The following ZNF786 variants were observed in gnomAD, a reference collection of about 807,000 sequenced individuals.
ZNF786 encodes the protein zinc finger protein 786.
A neutral mutation model predicts 63.1 loss-of-function variants in ZNF786; 56 were observed. That is an observed-to-expected ratio of 0.89 (90% CI 0.72 to 1.11). The LOEUF is 1.11. Among genes scored for constraint, ZNF786 ranks in the 50% least tolerant of loss-of-function variants. The probability of loss-of-function intolerance (pLI) is 0.00; values close to 1 mark genes in which losing one functional copy is unlikely to be tolerated. For missense variants in ZNF786, 1,213 were observed against 1,041.8 expected (o/e 1.16, Z -2.26); for synonymous variants, 485 against 406.9 (o/e 1.19, Z -2.31).
At chr7:149,090,547 G>A (rs1825814023) in intron 1 of ZNF786, 76 bp downstream of exon 1, 1 of 1,428,288 alleles carries the variant, frequency 7.0e-7, no homozygotes, top group East Asian at 2.7e-5. Context: ...GGGGACCCCA[G>A]GACACGGGCG....
intron 3 of ZNF786, among the ~76,000 whole-genome samples, chr7:149,073,118 G>C (rs1292834637): frequency 6.6e-6 from 1 of 152,142 alleles, no homozygotes; most frequent in African/African-American, 2.4e-5. Context: ...GTTTCAAGAA[G>C]GTTTCTTGGA....
At chr7:149,086,626 T>TCACATA (rs1554453726) in intron 1 of ZNF786, among the ~76,000 whole-genome samples, 1 of 147,608 alleles carries the variant, frequency 6.8e-6, no homozygotes, top group African/African-American at 2.5e-5. Flanking sequence ...ACACTCTGTC[T>TCACATA]CACACACACA....
At chr7:149,081,234 G>A (rs779546021) in intron 1 of ZNF786, 19 of 449,060 alleles carry the variant, frequency 4.2e-5, no homozygotes, top group South Asian at 2.8e-4. Flanking sequence ...TCAGGAGTTC[G>A]AGATCAGCCT....
rs1323797832 is a variant in ZNF786, at chr7:149,080,666, G to A, written c.70C>T (p.Gln24Ter). 6.2e-7 allele frequency: 1 copy of A among 1,611,434 alleles called. No homozygotes were observed. The highest frequency in any genetic ancestry group is 1.1e-5 in the South Asian group (1 of 90,504). ...TCCTTCTGCCATGCCTCTAGATCCT[G>A]CCATTCTTGCTCGGAGAAATAAATA... ...VAIYFSEQEW[Q>*]DLEAWQKELY... Residue 24 changes from glutamine to a stop codon, truncating the protein, a stop_gained, in exon 2 of 4, where the codon CAG (glutamine) becomes TAG (stop). Transcript: ENST00000491431. LOFTEE classifies it high-confidence loss of function.
In ZNF786 at chr7:149,074,372, T is replaced by A; in HGVS notation, c.298+14A>T. 2 of 1,612,644 alleles carry A rather than the reference T, an allele frequency of 1.2e-6. No individual in the cohort carries two copies. The highest frequency in any genetic ancestry group is 1.7e-6 in the Non-Finnish European group (2 of 1,179,266). On this transcript the variant is annotated intron_variant, in intron 3 of 3. Transcript: ENST00000491431. ...GATGTCTCAAGGTCGGGGCCCTGAT[T>A]TCTTAATACTCACCCCAAAACAGCT...
intron 2 of ZNF786, among the ~76,000 whole-genome samples, chr7:149,076,410 C>T (rs1399587776): frequency 4.7e-5 from 7 of 149,654 alleles, no homozygotes; most frequent in South Asian, 4.3e-4. Context: ...CCACCGTGCC[C>T]GGCCTATATT....
At chr7:149,090,487 G>C in intron 1 of ZNF786, 136 bp downstream of exon 1, 1 of 1,037,022 alleles carries the variant, frequency 9.6e-7, no homozygotes, top group Non-Finnish European at 1.3e-6. Flanking sequence ...CACATCCCCA[G>C]CAGAAGCAGC....
At position 149,071,594 on chromosome 7, in the gene ZNF786, C is replaced by T. The variant is rs1240365515; in HGVS notation, c.1178G>A (p.Gly393Glu). ...ATGCGCACACTGGAAGGGCTTTTCT[C>T]CAGTATGCGCCCTGCAGGGGCTGGC... ...RLASPCRAHT[G>E]EKPFQCAHCT... Residue 393 changes from glycine (G) to glutamate (E), a missense_variant, in exon 4 of 4, where the codon GGA (glycine) becomes GAA (glutamate). Transcript: ENST00000491431. 3 of 1,606,206 alleles carry T rather than the reference C, an allele frequency of 1.9e-6. No individual in the cohort carries two copies. Among genetic ancestry groups the T allele is most frequent in the Non-Finnish European group, 1.7e-6 (2 of 1,177,434 alleles).
chr7:149,076,673 C>T (rs958514923), intron 2 of ZNF786, among the ~76,000 whole-genome samples: 20 of 147,390 alleles, frequency 1.4e-4, no homozygotes, highest in Non-Finnish European at 2.5e-4. Flanking sequence ...GAGCCGAGAT[C>T]GCGCCACTGC....
intron 1 of ZNF786, among the ~76,000 whole-genome samples, chr7:149,086,304 G>T (rs896590608): frequency 6.6e-6 from 1 of 152,148 alleles, no homozygotes; most frequent in Non-Finnish European, 1.5e-5. Context: ...TACTTCTGGC[G>T]AGGGCCTCAG....
Position 149,072,130 on chromosome 7 carries a change from T to C in ZNF786, c.642A>G (p.Thr214=). 1 of 1,613,254 alleles carries C rather than the reference T, an allele frequency of 6.2e-7. No homozygotes were observed. The highest frequency in any genetic ancestry group is 1.3e-5 in the African/African-American group (1 of 75,056). The change falls in exon 4 of 4, where the codon ACA becomes ACG. Residue 214 remains threonine, a synonymous_variant. Coordinates refer to ENST00000491431, the MANE Select transcript of ZNF786 (RefSeq NM_152411.4). ...TGTTGAATTTCTCCCAGGCCCTACG[T>C]GTCCGGTCCTTTGAGTGGCCTCTCT... ...MHQRGHSKDR[T]RRAWEKFNKR...
rs1461832807 is a variant in ZNF786 at position 149,072,083 on chromosome 7, G to C, written c.689C>G (p.Pro230Arg). ...KFNKRAETQM[P>R]WSSPRVQRHF... ...CCTCTGTACCCGAGGGCTGCTCCAC[G>C]GCATCTGCGTCTCCGCCCTCTTGTT... Residue 230 changes from proline to arginine, a missense_variant, in exon 4 of 4, where the codon CCG becomes CGG. By Grantham distance (103) the Pro-to-Arg change is moderately radical. Transcript: ENST00000491431. 6.2e-7 allele frequency: 1 copy of C among 1,613,160 alleles called. No individual in the cohort carries two copies. The highest frequency in any genetic ancestry group is 8.5e-7 in the Non-Finnish European group (1 of 1,179,682).
Position 149,080,667 on chromosome 7 carries a change from C to T in ZNF786, c.69G>A (p.Trp23Ter), listed in dbSNP as rs1300476061. 2 of 1,611,514 alleles carry T rather than the reference C, an allele frequency of 1.2e-6. No individual in the cohort carries two copies. Among genetic ancestry groups the T allele is most frequent in the Non-Finnish European group, 1.7e-6 (2 of 1,179,466 alleles). ...DVAIYFSEQE[W>*]QDLEAWQKEL... Reference sequence around the variant, plus strand: ...CCTTCTGCCATGCCTCTAGATCCTGCCATTCTTGCTCGGAGAAATAAATAG... The same window carrying T: ...CCTTCTGCCATGCCTCTAGATCCTGTCATTCTTGCTCGGAGAAATAAATAG... Residue 23 changes from tryptophan (W) to a stop codon, truncating the protein, a stop_gained, in exon 2 of 4, where the codon TGG (tryptophan) becomes TGA (stop). Coordinates refer to ENST00000491431, the MANE Select transcript of ZNF786 (RefSeq NM_152411.4). LOFTEE classifies it high-confidence loss of function.
chr7:149,071,437 T>G lies in ZNF786; in HGVS notation c.1335A>C (p.Arg445=), dbSNP rs1258145312. 1 of 1,610,414 alleles carries G rather than the reference T, an allele frequency of 6.2e-7. No homozygotes were observed. The highest frequency in any genetic ancestry group is 1.1e-5 in the South Asian group (1 of 90,910). Reference sequence around the variant, plus strand: ...GGAAAGGCTTCTCTCCGCTGTGGACTCGAATGTGCTCCGTGAGTTTACACT... The same window carrying G: ...GGAAAGGCTTCTCTCCGCTGTGGACGCGAATGTGCTCCGTGAGTTTACACT... ...AKQCKLTEHI[R]VHSGEKPFRC... is the part of the protein sequence containing the mutation. The change falls in exon 4 of 4, where the codon CGA becomes CGC. Residue 445 remains arginine (R), a synonymous_variant. Transcript: ENST00000491431.
intron 2 of ZNF786, among the ~76,000 whole-genome samples, chr7:149,079,955 C>G (rs1459913280): frequency 6.6e-6 from 1 of 150,900 alleles, no homozygotes; most frequent in Admixed American, 6.6e-5. Flanking sequence ...GGGTGGATCA[C>G]GAGGTCAGGA....
chr7:149,071,185 T>A lies in ZNF786; in HGVS notation c.1587A>T (p.Arg529Ser), dbSNP rs774819336. The A allele has an allele frequency of 3.1e-6, 5 of 1,609,930 alleles. No individual in the cohort carries two copies. The highest frequency in any genetic ancestry group is 4.2e-6 in the Non-Finnish European group (5 of 1,178,078). Residue 529 changes from arginine to serine, a missense_variant, in exon 4 of 4, where the codon AGA becomes AGT. Physicochemically the swap from Arg to Ser is moderately radical, Grantham distance 110. Transcript: ENST00000491431. ...GGAAGGGCCTCTCCCCGCTGTGCAC[T>A]CTCAGGTGCTCACGGAGCTTGCACT... ...THQCKLREHL[R>S]VHSGERPFQC...
rs1825432019 is a variant in ZNF786, at chr7:149,071,945, C to T, written c.827G>A (p.Cys276Tyr). The T allele has an allele frequency of 6.2e-7, 1 of 1,610,974 alleles. No individual in the cohort carries two copies. Among genetic ancestry groups the T allele is most frequent in the African/African-American group, 1.3e-5 (1 of 74,916 alleles). Residue 276 changes from cysteine (C) to tyrosine (Y), a missense_variant, in exon 4 of 4, where the codon TGC (cysteine) becomes TAC (tyrosine). By Grantham distance (194) the Cys-to-Tyr change is radical. Transcript: ENST00000491431. ...GGGATGGGTCAGCTCGTGTCGGAAG[C>T]ACATTTCACCGTCAGCGTTCCGGAA... ...GPFRNADGEM[C>Y]FRHELTHPSH... is the part of the protein sequence containing the mutation.
rs767811986 is a variant in ZNF786 at position 149,070,771 on chromosome 7, G to C, written c.2001C>G (p.Ile667Met). 2 of 1,613,440 alleles carry C rather than the reference G, an allele frequency of 1.2e-6. No individual in the cohort carries two copies. The highest frequency in any genetic ancestry group is 1.1e-5 in the South Asian group (1 of 91,064). Residue 667 changes from isoleucine (I) to methionine (M), a missense_variant, in exon 4 of 4, where the codon ATC becomes ATG. Coordinates refer to ENST00000491431, the MANE Select transcript of ZNF786 (RefSeq NM_152411.4). ...AAGGCTTCTCTCCCGTGTGCGTTCT[G>C]ATGTGCTCGATGAGCTTTGAGTGTT... ...FVKHSKLIEH[I>M]RTHTGEKPFQ...
At chr7:149,089,325 T>A (rs1205915109) in intron 1 of ZNF786, among the ~76,000 whole-genome samples, 1 of 151,242 alleles carries the variant, frequency 6.6e-6, no homozygotes, top group Non-Finnish European at 1.5e-5. Context: ...ACAAGTTTGT[T>A]TGTTTTTGAG....
Sources: allele counts gnomAD v4.1 joint callset (sites outside exome capture counted in the v4.1 genomes callset), GRCh38; gene constraint gnomAD v4.1.1; transcripts MANE v1.5; gene names NCBI Gene and HGNC (gene_info 2026-07-23, HGNC 2026-07-21).